The following ARFGEF2 variants were observed in gnomAD, a reference collection of about 807,000 sequenced individuals.
ARFGEF2 encodes brefeldin A-inhibited guanine nucleotide-exchange protein 2.
Under a neutral mutation model 219.9 loss-of-function variants are expected in ARFGEF2, and 74 were observed. The observed-to-expected ratio is 0.34, with a 90% CI of 0.28 to 0.41. ARFGEF2 has a LOEUF of 0.41. Among genes scored for constraint, ARFGEF2 ranks in the 10% least tolerant of loss-of-function variants. ARFGEF2 has a pLI of 1.00. For missense variants in ARFGEF2, 1,743 were observed against 2,218.3 expected (o/e 0.79, Z 4.30); for synonymous variants, 733 against 799.2 (o/e 0.92, Z 1.40).
At chr20:49,016,669 TTAC>T (rs1234876311) in intron 31 of ARFGEF2, among the ~76,000 whole-genome samples, 2 of 152,226 alleles carry the variant, frequency 1.3e-5, no homozygotes, top group South Asian at 4.1e-4. Context: ...ACTGTTCTTT[TTAC>T]TTTTGTATAT....
At chr20:48,951,273 T>A (rs1428519399) in intron 3 of ARFGEF2, 50 bp from the exon 4 acceptor site, 5 of 1,608,822 alleles carry the variant, frequency 3.1e-6, no homozygotes, top group Non-Finnish European at 4.2e-6. Context: ...ACGGAAGGCC[T>A]CAGTCCTAGC....
Position 49,018,805 on chromosome 20 carries a change from C to T in ARFGEF2, c.4510-79C>T, listed in dbSNP as rs549406859. 2.3e-4 allele frequency: 262 copies of T among 1,122,510 alleles called. 1 individual carries two copies. The African/African-American group carries it at 3.6e-3, about 16-fold the overall frequency. The allele number at this position is 1,122,510 out of a possible 1,614,324, so 69.5% of individuals were successfully genotyped here. A position where few individuals can be genotyped will look rare whatever the true frequency, so the allele number is the denominator to read the frequency against. On this transcript the variant is annotated intron_variant, in intron 33 of 38. Coordinates refer to ENST00000371917, the MANE Select transcript of ARFGEF2 (RefSeq NM_006420.3). ...GCACTTAAATACAGGCTGGACCAGC[C>T]GTGTTAAAACAGGCACATCTCTGCC... is the stretch of plus-strand genomic sequence containing the variant.
intron 21 of ARFGEF2, among the ~76,000 whole-genome samples, chr20:48,991,837 G>GA (rs1483612923): frequency 1.3e-5 from 2 of 151,680 alleles, no homozygotes; most frequent in Non-Finnish European, 2.9e-5. Flanking sequence ...TAATGTTGTG[G>GA]AAAAAAAAGA....
chr20:49,025,579 A>G (rs983291811), intron 36 of ARFGEF2, 98 bp downstream of exon 36: 78 of 1,343,494 alleles, frequency 5.8e-5, no homozygotes, highest in Non-Finnish European at 7.9e-5. Context: ...ACATAGCTAG[A>G]ATAACTTAAC....
intron 16 of ARFGEF2, 91 bp from the exon 17 acceptor site, chr20:48,988,213 G>T (rs1349300675): frequency 8.7e-6 from 8 of 917,278 alleles, no homozygotes; most frequent in Non-Finnish European, 1.4e-5. Context: ...GGAGTAGTCG[G>T]CTGCTTTTCT....
intron 25 of ARFGEF2, among the ~76,000 whole-genome samples, chr20:49,000,777 G>A (rs1280018436): frequency 2.6e-5 from 4 of 152,160 alleles, no homozygotes; most frequent in African/African-American, 4.8e-5. Context: ...TTTGGTAAAC[G>A]TTTTCCCAAC....
In ARFGEF2 at chr20:49,013,709, G is replaced by A. The variant is rs1346264260; in HGVS notation, c.4049+15G>A. ...GTACGAACAAGGTAACCATGTTCCC[G>A]TGCGGTGGCCCCTTACATCACTGAA... On this transcript the variant is annotated intron_variant, in intron 29 of 38. Transcript: ENST00000371917. The A allele has an allele frequency of 9.3e-6, 15 of 1,613,902 alleles. No homozygotes were observed. Among genetic ancestry groups the A allele is most frequent in the East Asian group, 4.5e-5 (2 of 44,894 alleles).
chr20:48,961,405 C>G (rs1315380243), intron 6 of ARFGEF2, among the ~76,000 whole-genome samples: 1 of 152,134 alleles, frequency 6.6e-6, no homozygotes, highest in Non-Finnish European at 1.5e-5. Flanking sequence ...TGTCTTCCAC[C>G]TCCACATCTT....
rs368412654 is a variant in ARFGEF2, at chr20:48,941,459, C to T, written c.152+230C>T. Among the ~76,000 whole-genome samples the T allele has an allele frequency of 1.1e-4, 16 of 152,274 alleles. 1 individual carries two copies. The highest frequency in any genetic ancestry group is 8.3e-4 in the South Asian group (4 of 4,822). ...TATACTTGGAAGGAAGGATCAAGAT[C>T]GAGGTAATGCTGTTGTATCTTTTCT... On this transcript the variant is annotated intron_variant, in intron 2 of 38. Transcript: ENST00000371917.
chr20:49,010,890 G>T (rs1209835390), intron 27 of ARFGEF2, among the ~76,000 whole-genome samples: 1 of 152,226 alleles, frequency 6.6e-6, no homozygotes, highest in Non-Finnish European at 1.5e-5. Flanking sequence ...CACGTTCCCA[G>T]TTGTGGTGGA....
chr20:48,979,895 T>C (rs1457420119), intron 14 of ARFGEF2, among the ~76,000 whole-genome samples: 1 of 152,178 alleles, frequency 6.6e-6, no homozygotes, highest in African/African-American at 2.4e-5. Context: ...TTGCTAGCAG[T>C]CTATCAATTT....
intron 33 of ARFGEF2, 42 bp downstream of exon 33, chr20:49,017,592 T>C (rs1236272027): frequency 1.9e-6 from 3 of 1,605,970 alleles, no homozygotes; most frequent in Admixed American, 1.7e-5. Context: ...TTCTTTTTTC[T>C]ATCTTAGTAA....
At chr20:49,018,591 G>T (rs1256013722) in intron 33 of ARFGEF2, among the ~76,000 whole-genome samples, 3 of 152,242 alleles carry the variant, frequency 2.0e-5, no homozygotes, top group Middle Eastern at 6.8e-3. Context: ...CTTTGAACTT[G>T]CTCGCATAAA....
intron 26 of ARFGEF2, among the ~76,000 whole-genome samples, chr20:49,009,282 C>T (rs1374860413): frequency 6.6e-6 from 1 of 152,098 alleles, no homozygotes; most frequent in Non-Finnish European, 1.5e-5. Context: ...CTTGCCTTCT[C>T]TAAATGGCCT....
In ARFGEF2 at chr20:49,033,620, C is replaced by G. The variant is rs925049322; in HGVS notation, c.*421C>G. ...TAATAAAACTTCTTGTAACGGCTAACTGCCACCTAAAATATGCTGGGTTTT... is the reference window on the plus strand; with the variant it reads ...TAATAAAACTTCTTGTAACGGCTAAGTGCCACCTAAAATATGCTGGGTTTT... On this transcript the variant is annotated 3_prime_UTR_variant, in exon 39 of 39. Coordinates refer to ENST00000371917, the MANE Select transcript of ARFGEF2 (RefSeq NM_006420.3). 1 of 175,234 alleles carries G rather than the reference C, an allele frequency of 5.7e-6. No homozygotes were observed. The highest frequency in any genetic ancestry group is 2.4e-5 in the African/African-American group (1 of 42,140). The allele number at this position is 175,234 out of a possible 1,614,324, so 10.9% of individuals were successfully genotyped here.
At position 48,972,387 on chromosome 20, in the gene ARFGEF2, G is replaced by A. The variant is rs147345525; in HGVS notation, c.1487G>A (p.Arg496Lys). Residue 496 changes from arginine (R) to lysine (K), a missense_variant, in exon 11 of 39, where the codon AGG (arginine) becomes AAG (lysine). Arg to Lys is a conservative substitution (Grantham distance 26). Coordinates refer to ENST00000371917, the MANE Select transcript of ARFGEF2 (RefSeq NM_006420.3). ...LETSTSSFEH[R>K]WMVIQTLTRI... is the part of the protein sequence containing the mutation. ...ACATCAACAAGTTCTTTTGAGCACA[G>A]GTGGATGGTCATTCAGACTCTGACG... 61 of 1,614,170 alleles carry A rather than the reference G, an allele frequency of 3.8e-5. No individual in the cohort carries two copies. In the African/African-American group the frequency reaches 5.9e-4, roughly 16 times the overall value.
chr20:48,991,182 G>A lies in ARFGEF2; in HGVS notation c.2957G>A (p.Gly986Glu). ...GCTCACACCGATGGCAACTACCTTG[G>A]GAATTCCTGGCATGAGGTACGTGTC... ...TVAHTDGNYLGNSWHEILKCI... is the reference protein window; with the variant it reads ...TVAHTDGNYLENSWHEILKCI... Residue 986 changes from glycine to glutamate, a missense_variant, in exon 21 of 39, where the codon GGG (glycine) becomes GAG (glutamate). By Grantham distance (98) the Gly-to-Glu change is moderately conservative. Transcript: ENST00000371917. The A allele has an allele frequency of 1.2e-6, 2 of 1,614,202 alleles. No individual in the cohort carries two copies. Among genetic ancestry groups the A allele is most frequent in the Non-Finnish European group, 1.7e-6 (2 of 1,180,042 alleles).
At chr20:49,028,124 G>T (rs1198592466) in intron 36 of ARFGEF2, among the ~76,000 whole-genome samples, 3 of 152,196 alleles carry the variant, frequency 2.0e-5, no homozygotes, top group Admixed American at 6.5e-5. Flanking sequence ...CCGGCATGGT[G>T]GTGGGCACCT....
At chr20:48,956,779 C>T (rs2091108427) in intron 6 of ARFGEF2, among the ~76,000 whole-genome samples, 1 of 152,156 alleles carries the variant, frequency 6.6e-6, no homozygotes, top group Admixed American at 6.5e-5. Context: ...GGAGTTTCAC[C>T]ATGTTGGCCA....
Sources: gnomAD v4.1 joint callset for allele counts (sites outside exome capture counted in the v4.1 genomes callset) on GRCh38, gnomAD v4.1.1 for gene constraint, MANE v1.5 for transcripts, NCBI Gene and HGNC (gene_info 2026-07-23, HGNC 2026-07-21) for gene names.